The following VPS13B variants were observed in gnomAD, a reference collection of about 807,000 sequenced individuals.
VPS13B encodes the protein intermembrane lipid transfer protein VPS13B.
In VPS13B, 285 loss-of-function variants were observed where a neutral mutation model predicts 426.4. The observed-to-expected ratio is 0.67, with a 90% CI of 0.61 to 0.74. The LOEUF is 0.74. VPS13B is among the 30% of genes least tolerant of loss of function. VPS13B has a pLI of 0.00. For missense variants in VPS13B, 4,537 were observed against 4,782.6 expected, an observed-to-expected ratio of 0.95 and a Z score of 1.51; for synonymous variants, 1,676 against 1,676.4, an observed-to-expected ratio of 1.00 and a Z score of 0.01.
intron 19 of VPS13B, among the ~76,000 whole-genome samples, chr8:99,363,675 A>T (rs919959384): frequency 6.6e-6 from 1 of 152,022 alleles, no homozygotes; most frequent in Non-Finnish European, 1.5e-5. Flanking sequence ...TTCGTTGTAG[A>T]GGTCTTTCAC....
At chr8:99,530,419 A>G (rs572308244) in intron 30 of VPS13B, among the ~76,000 whole-genome samples, 1 of 152,284 alleles carries the variant, frequency 6.6e-6, no homozygotes, top group East Asian at 1.9e-4. Flanking sequence ...GTTTGAGACC[A>G]GCCTGGACAA....
chr8:99,351,835 G>T (rs3134159), intron 19 of VPS13B, among the ~76,000 whole-genome samples: 111,119 of 151,900 alleles, frequency 0.73, 41,231 homozygotes, highest in Middle Eastern at 0.83. Context: ...AGTTCTGTTA[G>T]GATGGAGATG....
At chr8:99,167,321 T>C (rs1040931138) in intron 15 of VPS13B, among the ~76,000 whole-genome samples, 8 of 152,124 alleles carry the variant, frequency 5.3e-5, no homozygotes, top group Admixed American at 5.2e-4. Flanking sequence ...ATACCAACTT[T>C]TAAAATGAAA....
chr8:99,843,510 C>G (rs1815817859), intron 54 of VPS13B, among the ~76,000 whole-genome samples: 1 of 152,190 alleles, frequency 6.6e-6, no homozygotes, highest in South Asian at 2.1e-4. Context: ...GCCCTTTGAT[C>G]TGGAGACCTA....
intron 19 of VPS13B, among the ~76,000 whole-genome samples, chr8:99,312,273 T>G (rs1821029988): frequency 6.6e-6 from 1 of 152,236 alleles, no homozygotes; most frequent in Non-Finnish European, 1.5e-5. Context: ...TCGATGGTCT[T>G]TACAATTTGG....
At chr8:99,435,672 G>A (rs554108992) in intron 22 of VPS13B, among the ~76,000 whole-genome samples, 4 of 152,260 alleles carry the variant, frequency 2.6e-5, no homozygotes, top group African/African-American at 9.6e-5. Flanking sequence ...AGTAGACAGT[G>A]ATTCCTCAGA....
chr8:99,239,321 T>C (rs1816796602), intron 17 of VPS13B, among the ~76,000 whole-genome samples: 1 of 152,188 alleles, frequency 6.6e-6, no homozygotes, highest in African/African-American at 2.4e-5. Context: ...ACTTATTGAA[T>C]GCATGACATT....
chr8:99,134,397 TAAG>T (rs1025503472), intron 8 of VPS13B, among the ~76,000 whole-genome samples: 1 of 152,178 alleles, frequency 6.6e-6, no homozygotes, highest in Admixed American at 6.5e-5. Context: ...AAAACAATAT[TAAG>T]AAGGAGTTTA....
intron 19 of VPS13B, among the ~76,000 whole-genome samples, chr8:99,317,894 T>C (rs1809759436): frequency 6.6e-6 from 1 of 152,186 alleles, no homozygotes; most frequent in African/African-American, 2.4e-5. Context: ...TGCACTAAGG[T>C]ACTATAAAAT....
chr8:99,515,272 G>A (rs1373447920), intron 29 of VPS13B, among the ~76,000 whole-genome samples: 1 of 152,062 alleles, frequency 6.6e-6, no homozygotes, highest in Non-Finnish European at 1.5e-5. Flanking sequence ...CAGTTTTATT[G>A]TTTCCCATTG....
chr8:99,206,892 T>C (rs1724594355), intron 17 of VPS13B, among the ~76,000 whole-genome samples: 1 of 15,046 alleles, frequency 6.6e-5, no homozygotes, highest in African/African-American at 1.4e-4. Flanking sequence ...CTAAGATATA[T>C]ATTTTTGAGA....
At chr8:99,434,674 C>A (rs1247444082) in intron 22 of VPS13B, among the ~76,000 whole-genome samples, 1 of 152,132 alleles carries the variant, frequency 6.6e-6, no homozygotes, top group Non-Finnish European at 1.5e-5. Flanking sequence ...TTTAGCATTC[C>A]TTTACATGTT....
chr8:99,088,843 A>G (rs1191214816), intron 3 of VPS13B, among the ~76,000 whole-genome samples: 6 of 152,164 alleles, frequency 3.9e-5, no homozygotes, highest in Non-Finnish European at 8.8e-5. Flanking sequence ...ATTTAACCTA[A>G]ATTGGGCTAT....
chr8:99,605,107 A>G (rs1489309790), intron 33 of VPS13B, among the ~76,000 whole-genome samples: 1 of 152,178 alleles, frequency 6.6e-6, no homozygotes, highest in Non-Finnish European at 1.5e-5. Flanking sequence ...GCACTATGTT[A>G]TTTGGCCTTC....
In VPS13B at chr8:99,391,717, T is replaced by C; in HGVS notation, c.3082+13T>C. The C allele has an allele frequency of 6.2e-7, 1 of 1,613,632 alleles. No homozygotes were observed. Among genetic ancestry groups the C allele is most frequent in the East Asian group, 2.2e-5 (1 of 44,856 alleles). ...AAAACGGTAACAGGTATGTGTCAAG[T>C]ACTGTAAAGGGACTATGATTGTACT... On this transcript the variant is annotated intron_variant, in intron 21 of 61. Coordinates refer to ENST00000357162, the MANE Select transcript of VPS13B (RefSeq NM_152564.5).
chr8:99,519,136 G>A (rs1308030657), intron 29 of VPS13B, among the ~76,000 whole-genome samples: 1 of 152,156 alleles, frequency 6.6e-6, no homozygotes, highest in African/African-American at 2.4e-5. Context: ...CTTCTTTTGA[G>A]AAGTGTCTGT....
chr8:99,769,080 C>T (rs1174294096), intron 40 of VPS13B, among the ~76,000 whole-genome samples: 1 of 152,010 alleles, frequency 6.6e-6, no homozygotes, highest in African/African-American at 2.4e-5. Context: ...AATGTGGAGC[C>T]TTTAGGAAAC....
intron 3 of VPS13B, among the ~76,000 whole-genome samples, chr8:99,070,271 G>T (rs904630584): frequency 2.6e-5 from 4 of 152,076 alleles, no homozygotes; most frequent in Middle Eastern, 3.2e-3. Flanking sequence ...GTTATATCCT[G>T]TTAGTAGGTT....
chr8:99,819,847 A>C (rs1588745396), intron 48 of VPS13B, 74 bp from the exon 49 acceptor site: 1 of 1,561,244 alleles, frequency 6.4e-7, no homozygotes, highest in East Asian at 2.3e-5. Context: ...TGTGTTTGGA[A>C]TCTTTAAACA....
Sources: allele counts gnomAD v4.1 joint callset (sites outside exome capture counted in the v4.1 genomes callset), GRCh38; gene constraint gnomAD v4.1.1; transcripts MANE v1.5; gene names NCBI Gene and HGNC (gene_info 2026-07-23, HGNC 2026-07-21).